The following ASNS variants were observed in gnomAD, a reference collection of about 807,000 sequenced individuals.
The protein encoded by ASNS is asparagine synthetase [glutamine-hydrolyzing].
Under a neutral mutation model 62.6 loss-of-function variants are expected in ASNS, and 37 were observed. That is an observed-to-expected ratio of 0.59 (90% CI 0.45 to 0.78). The LOEUF (loss-of-function observed/expected upper bound fraction) is 0.78. Ranked by LOEUF, ASNS falls within the 30% of genes least tolerant of loss-of-function variation. The pLI is 0.00. For missense variants in ASNS, 520 were observed against 682.4 expected, an observed-to-expected ratio of 0.76 and a Z score of 2.65; for synonymous variants, 207 against 237.9, an observed-to-expected ratio of 0.87 and a Z score of 1.19.
At chr7:97,892,668 C>A in the ASNS span, among the ~76,000 whole-genome samples, 2 of 151,316 alleles carry the variant, frequency 1.3e-5, no homozygotes, top group African/African-American at 4.9e-5. Context: ...TTCCACAAAT[C>A]TCTACAGCAG....
upstream of ASNS, among the ~76,000 whole-genome samples, chr7:97,873,814 T>G (rs1221655636): frequency 3.4e-5 from 5 of 147,888 alleles, no homozygotes; most frequent in African/African-American, 1.3e-4. Context: ...GCGTATCTCC[T>G]GCTTGTCCGT....
At chr7:97,853,433 G>T in intron 10 of ASNS, 47 bp from the exon 11 acceptor site, 1 of 1,487,848 alleles carries the variant, frequency 6.7e-7, no homozygotes, top group Non-Finnish European at 9.3e-7. Flanking sequence ...GGTATTTAGT[G>T]CCTGCCAGGT....
At chr7:97,859,513 C>T (rs1791616766) in intron 4 of ASNS, 115 bp from the exon 5 acceptor site, 2 of 1,143,988 alleles carry the variant, frequency 1.7e-6, no homozygotes, top group African/African-American at 1.6e-5. Flanking sequence ...AACACATACC[C>T]ATTAAATAAG....
the ASNS span, among the ~76,000 whole-genome samples, chr7:97,889,764 A>T: frequency 6.6e-6 from 1 of 151,994 alleles, no homozygotes; most frequent in East Asian, 1.9e-4. Flanking sequence ...TCACATAAGG[A>T]TGCAAGAAAT....
intron 8 of ASNS, among the ~76,000 whole-genome samples, chr7:97,855,795 T>C (rs1791408645): frequency 6.6e-6 from 1 of 152,198 alleles, no homozygotes; most frequent in South Asian, 2.1e-4. Context: ...TTCATAGTGG[T>C]ATTATGACAC....
chr7:97,867,491 T>C (rs143369381), intron 3 of ASNS, among the ~76,000 whole-genome samples: 18 of 152,198 alleles, frequency 1.2e-4, no homozygotes, highest in African/African-American at 4.1e-4. Flanking sequence ...TTTCAAAATA[T>C]TTAACTTCTT....
At chr7:97,892,149 T>C in the ASNS span, among the ~76,000 whole-genome samples, 1 of 152,242 alleles carries the variant, frequency 6.6e-6, no homozygotes, top group African/African-American at 2.4e-5. Context: ...CTCAACACTA[T>C]GTGGAAGCTG....
At position 97,853,409 on chromosome 7, in the gene ASNS, TC is replaced by T. The variant is rs762467622; in HGVS notation, c.1239-24del. 5.4e-5 allele frequency: 87 copies of T among 1,600,552 alleles called. No individual in the cohort carries two copies. The South Asian group carries it at 9.2e-4, about 17-fold the overall frequency. ...AGACTTAAAGGAGAAAAGAAGAAAA[TC>T]TAAATTAAAATGGGTATTTAGTGCC... On this transcript the variant is annotated intron_variant, in intron 10 of 12. Coordinates refer to ENST00000394308, the MANE Select transcript of ASNS (RefSeq NM_001673.5).
At position 97,854,538 on chromosome 7, in the gene ASNS, G is replaced by GT. The variant is rs552985477; in HGVS notation, c.1238+41dup. 458 of 1,587,382 alleles carry GT rather than the reference G, an allele frequency of 2.9e-4. 3 individuals carry two copies. Among genetic ancestry groups the GT allele is most frequent in the South Asian group, 2.1e-3 (182 of 85,296 alleles). On this transcript the variant is annotated intron_variant, in intron 10 of 12. Transcript: ENST00000394308. The stretch of plus-strand genomic sequence containing the variant: ...CTTTTTGTTTTGTTTTGTTTTTGGT[G>GT]TTTTTTTGTTTTTGTTTTACAATAG...
chr7:97,872,413 G>A (rs1562826132), upstream of ASNS: 1 of 152,424 alleles, frequency 6.6e-6, no homozygotes, highest in Non-Finnish European at 1.5e-5. Flanking sequence ...CAGCTTGACG[G>A]GCGGCGAGGC....
At chr7:97,880,286 A>G in the ASNS span, among the ~76,000 whole-genome samples, 1 of 152,050 alleles carries the variant, frequency 6.6e-6, no homozygotes, top group Admixed American at 6.6e-5. Context: ...CACCACACCT[A>G]GCTAATTTCA....
At chr7:97,911,716 G>A in the ASNS span, among the ~76,000 whole-genome samples, 1 of 152,066 alleles carries the variant, frequency 6.6e-6, no homozygotes, top group Non-Finnish European at 1.5e-5. Context: ...ACCATCTCCT[G>A]GCTTGGTGCA....
chr7:97,894,090 A>C, the ASNS span, among the ~76,000 whole-genome samples: 2 of 152,242 alleles, frequency 1.3e-5, no homozygotes, highest in Non-Finnish European at 2.9e-5. Context: ...AAACTGTACA[A>C]ATACATGGAC....
the ASNS span, among the ~76,000 whole-genome samples, chr7:97,881,903 T>C: frequency 6.6e-6 from 1 of 152,094 alleles, no homozygotes; most frequent in Non-Finnish European, 1.5e-5. Context: ...AGCCAGCTGA[T>C]ACGCCTCATG....
At chr7:97,921,252 A>G in the ASNS span, among the ~76,000 whole-genome samples, 2 of 152,216 alleles carry the variant, frequency 1.3e-5, no homozygotes, top group Non-Finnish European at 2.9e-5. Flanking sequence ...AGGGTGGTAC[A>G]AAGTACTCTT....
At chr7:97,921,298 T>C in the ASNS span, among the ~76,000 whole-genome samples, 213 of 152,324 alleles carry the variant, frequency 1.4e-3, no homozygotes, top group African/African-American at 4.8e-3. Flanking sequence ...ATAAGCATTT[T>C]TTTCCCTTTT....
the ASNS span, chr7:97,908,858 A>G: frequency 6.6e-6 from 1 of 152,186 alleles, no homozygotes; most frequent in East Asian, 1.9e-4. Flanking sequence ...CTCCAGCCCC[A>G]GGGATTCTGA....
At chr7:97,899,587 C>T in the ASNS span, among the ~76,000 whole-genome samples, 450 of 152,304 alleles carry the variant, frequency 3.0e-3, no homozygotes, top group African/African-American at 9.6e-3. Flanking sequence ...AAACCTCATA[C>T]GCTTTAGCTA....
At chr7:97,889,695 A>C in the ASNS span, among the ~76,000 whole-genome samples, 6 of 152,136 alleles carry the variant, frequency 3.9e-5, no homozygotes, top group African/African-American at 1.4e-4. Context: ...GGTCTTTCCC[A>C]TATAAAAGCC....
Sources: gnomAD v4.1 joint callset for allele counts (sites outside exome capture counted in the v4.1 genomes callset) on GRCh38, gnomAD v4.1.1 for gene constraint, MANE v1.5 for transcripts, NCBI Gene and HGNC (gene_info 2026-07-23, HGNC 2026-07-21) for gene names.